TBC1D22A: variants seen among roughly 807,000 people sequenced by gnomAD.
TBC1D22A encodes TBC1 domain family member 22A.
In TBC1D22A, 38 loss-of-function variants were observed where a neutral mutation model predicts 60.2. The observed-to-expected ratio is 0.63, with a 90% CI of 0.49 to 0.83. The LOEUF is 0.83. Ranked by LOEUF, TBC1D22A falls within the 40% of genes least tolerant of loss-of-function variation. The pLI, the probability that TBC1D22A is intolerant of heterozygous loss-of-function variation, is 0.00. For missense variants in TBC1D22A, 628 were observed against 701.0 expected, an observed-to-expected ratio of 0.90 and a Z score of 1.18; for synonymous variants, 302 against 281.7, an observed-to-expected ratio of 1.07 and a Z score of -0.72.
chr22:46,779,115 T>C, intron 1 of TBC1D22A, among the ~76,000 whole-genome samples: 1 of 152,220 alleles, frequency 6.6e-6, no homozygotes, highest in Non-Finnish European at 1.5e-5. Context: ...AGTTGTTCAT[T>C]ATGATCAAGT....
At chr22:47,062,430 G>GAC (rs2063612808) in intron 11 of TBC1D22A, among the ~76,000 whole-genome samples, 2 of 152,306 alleles carry the variant, frequency 1.3e-5, no homozygotes, top group Admixed American at 1.3e-4. Context: ...TGGCTGTCTG[G>GAC]ACAAAGCCTT....
chr22:47,097,028 C>A (rs1207179393), intron 11 of TBC1D22A, among the ~76,000 whole-genome samples: 2 of 152,226 alleles, frequency 1.3e-5, no homozygotes, highest in Non-Finnish European at 2.9e-5. Context: ...ACTGCTGTGC[C>A]TGTCATGGAT....
At chr22:46,892,457 T>A (rs2068454729) in intron 6 of TBC1D22A, among the ~76,000 whole-genome samples, 1 of 152,220 alleles carries the variant, frequency 6.6e-6, no homozygotes, top group South Asian at 2.1e-4. Flanking sequence ...AAAGCAGCCA[T>A]CTCCATTTCC....
At chr22:47,158,815 G>C (rs1405254696) in intron 12 of TBC1D22A, among the ~76,000 whole-genome samples, 2 of 152,120 alleles carry the variant, frequency 1.3e-5, no homozygotes, top group Non-Finnish European at 2.9e-5. Context: ...GGGTCCCGCA[G>C]CCACCAGCCA....
intron 11 of TBC1D22A, among the ~76,000 whole-genome samples, chr22:47,094,464 A>T (rs1280932580): frequency 6.6e-6 from 1 of 152,132 alleles, no homozygotes; most frequent in Non-Finnish European, 1.5e-5. Flanking sequence ...TTTTGGGTGG[A>T]CTTAAACTGC....
At chr22:46,999,740 C>T (rs1307754007) in intron 10 of TBC1D22A, among the ~76,000 whole-genome samples, 2 of 152,196 alleles carry the variant, frequency 1.3e-5, no homozygotes, top group African/African-American at 4.8e-5. Flanking sequence ...AAAAAAGCTT[C>T]TCAGGCCGGG....
intron 10 of TBC1D22A, among the ~76,000 whole-genome samples, chr22:47,020,535 ACT>A (rs139090346): frequency 0.017 from 2,410 of 143,590 alleles, 36 homozygotes; most frequent in Non-Finnish European, 0.025. Context: ...TTGGTGTGGC[ACT>A]GTCTGTCAAC....
intron 4 of TBC1D22A, among the ~76,000 whole-genome samples, chr22:46,822,185 G>T (rs895869854): frequency 6.6e-6 from 1 of 151,946 alleles, no homozygotes; most frequent in African/African-American, 2.4e-5. Context: ...GTTAGAACAT[G>T]CTCCTTTAGC....
intron 12 of TBC1D22A, among the ~76,000 whole-genome samples, chr22:47,146,325 C>T (rs1397440791): frequency 1.3e-5 from 2 of 152,206 alleles, no homozygotes; most frequent in Non-Finnish European, 2.9e-5. Flanking sequence ...TTGATGAACT[C>T]TCTCTCTCCC....
intron 8 of TBC1D22A, among the ~76,000 whole-genome samples, chr22:46,924,256 C>T (rs376996356): frequency 2.6e-5 from 4 of 152,122 alleles, no homozygotes; most frequent in Non-Finnish European, 4.4e-5. Flanking sequence ...ACGGATAACT[C>T]GGAGTGACTG....
chr22:46,782,762 C>T (rs977701675), intron 1 of TBC1D22A, among the ~76,000 whole-genome samples: 3 of 152,208 alleles, frequency 2.0e-5, no homozygotes, highest in Non-Finnish European at 4.4e-5. Flanking sequence ...CTCTCAGCTT[C>T]ATGTTGTCAG....
intron 10 of TBC1D22A, among the ~76,000 whole-genome samples, chr22:47,023,243 G>A (rs1262449344): frequency 6.6e-6 from 1 of 152,244 alleles, no homozygotes; most frequent in Non-Finnish European, 1.5e-5. Context: ...AAAGCATACT[G>A]TGTGGGATTA....
intron 8 of TBC1D22A, among the ~76,000 whole-genome samples, chr22:46,966,542 A>G (rs945852413): frequency 3.9e-5 from 6 of 152,144 alleles, no homozygotes; most frequent in Non-Finnish European, 7.4e-5. Context: ...ATGAACCACA[A>G]CTCCTACTCA....
chr22:46,800,487 C>A (rs868291575), intron 4 of TBC1D22A, among the ~76,000 whole-genome samples: 1 of 152,150 alleles, frequency 6.6e-6, no homozygotes, highest in Admixed American at 6.5e-5. Flanking sequence ...TGTGGAGATT[C>A]AGAACCACGT....
At chr22:47,104,151 A>G (rs189940859) in intron 11 of TBC1D22A, among the ~76,000 whole-genome samples, 37 of 152,048 alleles carry the variant, frequency 2.4e-4, no homozygotes, top group Admixed American at 2.0e-3. Flanking sequence ...CTAAAAATAT[A>G]AAAAATTAGC....
intron 11 of TBC1D22A, among the ~76,000 whole-genome samples, chr22:47,049,767 A>G (rs2063148605): frequency 6.6e-6 from 1 of 152,194 alleles, no homozygotes; most frequent in African/African-American, 2.4e-5. Flanking sequence ...TGGCCTGTGG[A>G]TAGATCATAG....
chr22:46,897,403 A>G (rs1329630720), intron 7 of TBC1D22A, among the ~76,000 whole-genome samples: 1 of 152,066 alleles, frequency 6.6e-6, no homozygotes, highest in African/African-American at 2.4e-5. Flanking sequence ...CCCTATGCAA[A>G]TGTCTGATTG....
rs188802306 is a variant in TBC1D22A, at chr22:46,929,724, G to A, written c.1015+17536G>A. Reference sequence around the variant, plus strand: ...GGTGTGTGTGTGTGTGTGCGTGTGCGTGTGTGCATGCATGTATGTGCATGC... The same window carrying A: ...GGTGTGTGTGTGTGTGTGCGTGTGCATGTGTGCATGCATGTATGTGCATGC... On this transcript the variant is annotated intron_variant, in intron 8 of 12. Transcript: ENST00000337137. Among the ~76,000 whole-genome samples the A allele has an allele frequency of 3.6e-3, 553 of 152,192 alleles. 4 individuals are homozygous for A. Among genetic ancestry groups the A allele is most frequent in the Non-Finnish European group, 5.0e-3 (342 of 67,998 alleles).
intron 3 of TBC1D22A, among the ~76,000 whole-genome samples, chr22:46,794,320 C>T (rs189843682): frequency 6.6e-6 from 1 of 152,340 alleles, no homozygotes; most frequent in Non-Finnish European, 1.5e-5. Context: ...TGTGCGTACA[C>T]GTGGGCTCAG....
Sources: allele counts gnomAD v4.1 joint callset (sites outside exome capture counted in the v4.1 genomes callset), GRCh38; gene constraint gnomAD v4.1.1; transcripts MANE v1.5; gene names NCBI Gene and HGNC (gene_info 2026-07-23, HGNC 2026-07-21).